The following CCDC69 variants were observed in gnomAD, a reference collection of about 807,000 sequenced individuals.
CCDC69 encodes the protein coiled-coil domain containing 69.
A neutral mutation model predicts 40.3 loss-of-function variants in CCDC69; 38 were observed. The observed-to-expected ratio is 0.94, with a 90% CI of 0.73 to 1.24. The LOEUF is 1.24. Ranked by LOEUF, CCDC69 falls within the 50% of genes most tolerant of loss-of-function variation. The pLI is 0.00. For missense variants in CCDC69, 389 were observed against 357.9 expected (o/e 1.09, Z -0.70); for synonymous variants, 141 against 138.9 (o/e 1.02, Z -0.11).
intron 1 of CCDC69, among the ~76,000 whole-genome samples, chr5:151,208,386 A>C (rs761073362): frequency 2.6e-5 from 4 of 152,256 alleles, no homozygotes; most frequent in Non-Finnish European, 5.9e-5. Context: ...TGGGGAGGGA[A>C]GATGTATCAA....
chr5:151,195,018 C>T (rs769787020), intron 4 of CCDC69, among the ~76,000 whole-genome samples: 4 of 152,066 alleles, frequency 2.6e-5, no homozygotes, highest in South Asian at 2.1e-4. Flanking sequence ...AAAGGGTCAT[C>T]GAATGTGGAA....
chr5:151,201,139 G>T (rs402770), intron 3 of CCDC69, among the ~76,000 whole-genome samples: 1 of 152,026 alleles, frequency 6.6e-6, no homozygotes, highest in African/African-American at 2.4e-5. Context: ...CAGGCTGATA[G>T]AGCGGCCATT....
intron 1 of CCDC69, chr5:151,215,541 C>G: frequency 3.3e-6 from 1 of 304,368 alleles, no homozygotes; most frequent in South Asian, 2.2e-5. Context: ...GCTGTTAGCT[C>G]TGGTCATGGA....
rs34725456 is a variant in CCDC69 at position 151,216,274 on chromosome 5, T to TA, written c.48+7648dup. 6.2e-4 allele frequency among the ~76,000 whole-genome samples: 94 copies of TA among 151,796 alleles called. No homozygotes were observed. The East Asian group carries it at 7.0e-3, about 11-fold the overall frequency. ...ATGCCCGGCCAACTATTACTAATGATAAAAAAATGCATAGGAAAAAGTACC... is the reference window on the plus strand; with the variant it reads ...ATGCCCGGCCAACTATTACTAATGATAAAAAAAATGCATAGGAAAAAGTACC... On this transcript the variant is annotated intron_variant, in intron 1 of 8. Transcript: ENST00000355417.
At chr5:151,212,014 T>TG (rs1213828836) in intron 1 of CCDC69, 4 of 18,070 alleles carry the variant, frequency 2.2e-4, no homozygotes, top group African/African-American at 9.6e-4. Flanking sequence ...TGGGTGGTGG[T>TG]GGTGGGGGGG....
Position 151,186,131 on chromosome 5 carries a change from C to CG in CCDC69, c.394-8_394-7insC. The CG allele has an allele frequency of 3.1e-6, 5 of 1,596,200 alleles. No individual in the cohort carries two copies. The highest frequency in any genetic ancestry group is 4.3e-6 in the Non-Finnish European group (5 of 1,163,736). On this transcript the variant is annotated splice_region_variant and splice_polypyrimidine_tract_variant and intron_variant, in intron 5 of 8. Coordinates refer to ENST00000355417, the MANE Select transcript of CCDC69 (RefSeq NM_015621.3). The stretch of plus-strand genomic sequence containing the variant: ...TCAGTCTGTCTATGGTCTCCTGGAG[C>CG]AGGGAGTGGGATGGAGACAATCAAA...
intron 3 of CCDC69, among the ~76,000 whole-genome samples, chr5:151,200,953 T>G (rs1752767441): frequency 6.6e-6 from 1 of 152,114 alleles, no homozygotes; most frequent in East Asian, 1.9e-4. Context: ...GTTTAGCATC[T>G]GATGTCCCAT....
Position 151,183,581 on chromosome 5 carries a change from C to G in CCDC69, c.747G>C (p.Glu249Asp). The part of the protein sequence containing the change: ...QLSEDLLLTR[E>D]ALEKEVQLRR... ...GCAGCTGCACCTCCTTCTCCAGGGC[C>G]TCACGCGTGAGAAGCAGGTCTTCTG... The change falls in exon 9 of 9, where the codon GAG becomes GAC. Residue 249 changes from glutamate (E) to aspartate (D), a missense_variant. Physicochemically the swap from Glu to Asp is conservative, Grantham distance 45. Transcript: ENST00000355417. 6.2e-7 allele frequency: 1 copy of G among 1,612,632 alleles called. No homozygotes were observed. Among genetic ancestry groups the G allele is most frequent in the Non-Finnish European group, 8.5e-7 (1 of 1,179,542 alleles).
intron 4 of CCDC69, among the ~76,000 whole-genome samples, chr5:151,195,996 T>C (rs947155611): frequency 2.0e-5 from 3 of 152,176 alleles, no homozygotes; most frequent in Non-Finnish European, 4.4e-5. Flanking sequence ...AGGTCTAGAC[T>C]CACAAGAAAT....
chr5:151,223,548 C>T (rs2114008918), intron 1 of CCDC69, among the ~76,000 whole-genome samples: 1 of 152,374 alleles, frequency 6.6e-6, no homozygotes, highest in Admixed American at 6.5e-5. Flanking sequence ...AGCCTTTAAC[C>T]CCCGGGGGGA....
In CCDC69 at chr5:151,201,686, T is replaced by C. The variant is rs781024062; in HGVS notation, c.127A>G (p.Ile43Val). 5 of 1,593,816 alleles carry C rather than the reference T, an allele frequency of 3.1e-6. No individual in the cohort carries two copies. The highest frequency in any genetic ancestry group is 2.3e-5 in the South Asian group (2 of 87,846). Residue 43 changes from isoleucine (I) to valine (V), a missense_variant and splice_region_variant, in exon 3 of 9, where the codon ATA becomes GTA. Transcript: ENST00000355417. ...ELGPLNGDTAITVQLCASEEA... is the reference protein window; with the variant it reads ...ELGPLNGDTAVTVQLCASEEA... ...TCTGATGCACAGAGCTGGACAGTTA[T>C]AGCTAGAGATGAAAAAGCAAAAAAA...
At chr5:151,189,533 C>T (rs957738882) in intron 4 of CCDC69, among the ~76,000 whole-genome samples, 1 of 150,802 alleles carries the variant, frequency 6.6e-6, no homozygotes, top group African/African-American at 2.4e-5. Context: ...ACTATCATCA[C>T]AGTCAAAGAA....
chr5:151,201,711 A>G, intron 2 of CCDC69, 23 bp from the exon 3 acceptor site: 1 of 1,508,430 alleles, frequency 6.6e-7, no homozygotes, highest in South Asian at 1.2e-5. Flanking sequence ...AAGCAAAAAA[A>G]TAAAAATAAA....
chr5:151,212,475 G>T (rs1280069313), intron 1 of CCDC69, among the ~76,000 whole-genome samples: 1 of 152,214 alleles, frequency 6.6e-6, no homozygotes, highest in Non-Finnish European at 1.5e-5. Context: ...GCAAACCTGA[G>T]ATAGTAGGAC....
Position 151,181,741 on chromosome 5 carries a change from TACTCCTGGAC to T in CCDC69, c.*1686_*1695del, listed in dbSNP as rs1561596034. On this transcript the variant is annotated 3_prime_UTR_variant, in exon 9 of 9. Transcript: ENST00000355417. The stretch of plus-strand genomic sequence containing the variant: ...AAATAACTTGGCCACCAATCATGTC[TACTCCTGGAC>T]ATTAGTTCAATAAACTAGTGTATCG... 1 of 152,278 alleles carries T rather than the reference TACTCCTGGAC, an allele frequency of 6.6e-6. No homozygotes were observed. Among genetic ancestry groups the T allele is most frequent in the Non-Finnish European group, 1.5e-5 (1 of 68,058 alleles). 9.4% of individuals were successfully genotyped at this position (152,278 alleles called of 1,614,324 possible).
At chr5:151,218,087 G>C (rs889118729) in intron 1 of CCDC69, among the ~76,000 whole-genome samples, 1 of 152,180 alleles carries the variant, frequency 6.6e-6, no homozygotes, top group Non-Finnish European at 1.5e-5. Context: ...GCTGTTTTAG[G>C]TATAGTACAG....
intron 1 of CCDC69, among the ~76,000 whole-genome samples, chr5:151,218,484 G>A (rs565003273): frequency 4.3e-4 from 65 of 152,296 alleles, no homozygotes; most frequent in African/African-American, 1.1e-3. Context: ...TCTTCCTTTC[G>A]TTGGGAGGGT....
At chr5:151,192,196 G>A (rs1340485863) in intron 4 of CCDC69, among the ~76,000 whole-genome samples, 1 of 128,912 alleles carries the variant, frequency 7.8e-6, no homozygotes, top group Non-Finnish European at 1.6e-5. Context: ...AAACCAGTGA[G>A]ATGGAAAATG....
chr5:151,209,974 A>G (rs1441873492), intron 1 of CCDC69, among the ~76,000 whole-genome samples: 2 of 152,220 alleles, frequency 1.3e-5, no homozygotes, highest in Non-Finnish European at 2.9e-5. Flanking sequence ...ATACATGAAA[A>G]TATAGAAAGA....
Sources: gnomAD v4.1 joint callset for allele counts (sites outside exome capture counted in the v4.1 genomes callset) on GRCh38, gnomAD v4.1.1 for gene constraint, MANE v1.5 for transcripts, NCBI Gene and HGNC (gene_info 2026-07-23, HGNC 2026-07-21) for gene names.